TGM6: variants seen among roughly 807,000 people sequenced by gnomAD.
TGM6 encodes protein-glutamine gamma-glutamyltransferase 6.
A neutral mutation model predicts 77.5 loss-of-function variants in TGM6; 74 were observed. The ratio of observed to expected loss-of-function variants is 0.96; its 90% CI spans 0.79 to 1.16. The LOEUF is 1.16. TGM6 is among the 50% of genes most tolerant of loss of function. The probability of loss-of-function intolerance (pLI) is 0.00; values close to 1 mark genes in which losing one functional copy is unlikely to be tolerated. For synonymous variants in TGM6, 383 were observed against 378.9 expected (o/e 1.01, Z -0.12); for missense variants, 968 against 940.2 (o/e 1.03, Z -0.39).
chr20:2,390,942 G>C (rs527590339), intron 1 of TGM6, among the ~76,000 whole-genome samples: 45 of 152,162 alleles, frequency 3.0e-4, no homozygotes, highest in Middle Eastern at 3.4e-3. Flanking sequence ...AAAGGGATGA[G>C]AGAGGGGAAG....
At chr20:2,391,618 G>C (rs1454356344) in intron 1 of TGM6, among the ~76,000 whole-genome samples, 1 of 152,116 alleles carries the variant, frequency 6.6e-6, no homozygotes, top group East Asian at 1.9e-4. Context: ...GGAGATTTGG[G>C]AGCAGATGTT....
chr20:2,406,380 C>T (rs2084750508), intron 9 of TGM6, among the ~76,000 whole-genome samples: 1 of 151,568 alleles, frequency 6.6e-6, no homozygotes, highest in African/African-American at 2.4e-5. Flanking sequence ...GTAGTCCCAG[C>T]TACTCAGGAG....
At chr20:2,401,703 G>A (rs1351604182) in intron 7 of TGM6, among the ~76,000 whole-genome samples, 1 of 152,180 alleles carries the variant, frequency 6.6e-6, no homozygotes, top group Non-Finnish European at 1.5e-5. Context: ...AGCACAGAGA[G>A]GTTAAGTAAC....
chr20:2,397,133 G>A (rs2084674623), intron 4 of TGM6, among the ~76,000 whole-genome samples: 1 of 152,204 alleles, frequency 6.6e-6, no homozygotes, highest in Non-Finnish European at 1.5e-5. Context: ...GGAAGCAAAG[G>A]GAGTCCAGAA....
In TGM6 at chr20:2,399,791, C is replaced by G. The variant is rs1192223767; in HGVS notation, c.850+53C>G. ...TACCTGTGCCCCCAGCTTCCTCTAT[C>G]TAAATGTATTTACATATATTTGCAT... On this transcript the variant is annotated intron_variant, in intron 6 of 12. Coordinates refer to ENST00000202625, the MANE Select transcript of TGM6 (RefSeq NM_198994.3). 4.0e-6 allele frequency: 6 copies of G among 1,483,350 alleles called. No individual in the cohort carries two copies. In the East Asian group the frequency reaches 1.2e-4, roughly 29 times the overall value. The allele number at this position is 1,483,350 out of a possible 1,614,324, so 91.9% of individuals were successfully genotyped here.
chr20:2,388,829 G>A (rs915192392), intron 1 of TGM6, among the ~76,000 whole-genome samples: 2 of 152,194 alleles, frequency 1.3e-5, no homozygotes, highest in Non-Finnish European at 2.9e-5. Context: ...GACATTTCCT[G>A]TATGCTTGGC....
At chr20:2,390,672 G>T (rs1370109165) in intron 1 of TGM6, among the ~76,000 whole-genome samples, 1 of 152,188 alleles carries the variant, frequency 6.6e-6, no homozygotes, top group Non-Finnish European at 1.5e-5. Flanking sequence ...AAAATATATT[G>T]TAAGATGTCA....
At position 2,399,573 on chromosome 20, in the gene TGM6, A is replaced by T. The variant is rs371277104; in HGVS notation, c.685A>T (p.Asn229Tyr). ...RVISAMVNSN[N>Y]DRGVVQGQWQ... ...CTCCTCTGCCCAGGTGAACAGCAACAACGACCGAGGTGTGGTGCAAGGACA... is the reference window on the plus strand; with the variant it reads ...CTCCTCTGCCCAGGTGAACAGCAACTACGACCGAGGTGTGGTGCAAGGACA... Residue 229 changes from asparagine to tyrosine, a missense_variant, in exon 6 of 13, where the codon AAC becomes TAC. Transcript: ENST00000202625. 5.0e-6 allele frequency: 8 copies of T among 1,612,920 alleles called. No individual in the cohort carries two copies. The African/African-American group carries it at 1.1e-4, about 21-fold the overall frequency.
At position 2,403,390 on chromosome 20, in the gene TGM6, G is replaced by A. The variant is rs769518613; in HGVS notation, c.990-7G>A. On this transcript the variant is annotated splice_polypyrimidine_tract_variant and splice_region_variant and intron_variant, in intron 7 of 12. Coordinates refer to ENST00000202625, the MANE Select transcript of TGM6 (RefSeq NM_198994.3). ...AGGCAGCTTCACCCATCCTCTCTCT[G>A]TGGCAGGAATTTCCATGTCTGGAAT... The A allele has an allele frequency of 9.9e-6, 16 of 1,614,126 alleles. No homozygotes were observed. The highest frequency in any genetic ancestry group is 3.3e-4 in the Middle Eastern group (2 of 6,062).
At chr20:2,401,559 G>A (rs543811353) in intron 7 of TGM6, among the ~76,000 whole-genome samples, 26 of 152,238 alleles carry the variant, frequency 1.7e-4, no homozygotes, top group South Asian at 8.3e-4. Flanking sequence ...AAGTAATAAC[G>A]TAACACCCAC....
At chr20:2,407,715 C>T (rs755644592) in intron 9 of TGM6, among the ~76,000 whole-genome samples, 26 of 152,208 alleles carry the variant, frequency 1.7e-4, no homozygotes, top group Middle Eastern at 3.2e-3. Flanking sequence ...GGAATTCTAA[C>T]GAGGCAGTCT....
chr20:2,431,058 A>G (rs1279654207), intron 12 of TGM6, 31 bp downstream of exon 12: 1 of 1,607,336 alleles, frequency 6.2e-7, no homozygotes, highest in East Asian at 2.2e-5. Flanking sequence ...CTGGCAGGGA[A>G]TGGGGCTCTC....
chr20:2,382,574 G>T (rs2084563263), intron 1 of TGM6, among the ~76,000 whole-genome samples: 1 of 152,234 alleles, frequency 6.6e-6, no homozygotes, highest in Admixed American at 6.5e-5. Flanking sequence ...TGAAATGTCA[G>T]CATTGGAGTT....
intron 10 of TGM6, among the ~76,000 whole-genome samples, chr20:2,420,129 C>T (rs2122416980): frequency 6.6e-6 from 1 of 152,196 alleles, no homozygotes; most frequent in South Asian, 2.1e-4. Context: ...CCTGTAGTCC[C>T]AGCTACTCAG....
intron 1 of TGM6, among the ~76,000 whole-genome samples, chr20:2,382,777 C>T (rs1053508867): frequency 2.2e-4 from 33 of 152,232 alleles, no homozygotes; most frequent in South Asian, 2.1e-3. Flanking sequence ...CCTTCTATCC[C>T]CCCTCCCTCA....
chr20:2,420,868 A>G (rs2084851284), intron 10 of TGM6, among the ~76,000 whole-genome samples: 1 of 70,992 alleles, frequency 1.4e-5, no homozygotes, highest in Admixed American at 1.3e-4. Flanking sequence ...ATATGGATGT[A>G]CACAGTTTAT....
intron 1 of TGM6, among the ~76,000 whole-genome samples, chr20:2,388,695 T>C (rs1404253904): frequency 6.6e-6 from 1 of 152,090 alleles, no homozygotes; most frequent in Non-Finnish European, 1.5e-5. Flanking sequence ...TTAACAGCAG[T>C]ACCTCCCTCA....
chr20:2,402,496 G>A (rs1472204826), intron 7 of TGM6, among the ~76,000 whole-genome samples: 1 of 152,120 alleles, frequency 6.6e-6, no homozygotes, highest in Non-Finnish European at 1.5e-5. Context: ...AGAAAGCACA[G>A]ACACTTCATT....
chr20:2,426,774 A>G (rs2084890355), intron 10 of TGM6, among the ~76,000 whole-genome samples: 1 of 152,126 alleles, frequency 6.6e-6, no homozygotes, highest in Admixed American at 6.5e-5. Flanking sequence ...TGATATGATC[A>G]TGTTATTTTT....
Sources: gnomAD v4.1 joint callset for allele counts (sites outside exome capture counted in the v4.1 genomes callset) on GRCh38, gnomAD v4.1.1 for gene constraint, MANE v1.5 for transcripts, NCBI Gene and HGNC (gene_info 2026-07-23, HGNC 2026-07-21) for gene names.